Variants in FAM83C observed in about 807,000 individuals in gnomAD.
The protein encoded by FAM83C is protein FAM83C.
A neutral mutation model predicts 27.1 loss-of-function variants in FAM83C; 23 were observed. The ratio of observed to expected loss-of-function variants is 0.85; its 90% CI spans 0.61 to 1.20. FAM83C has a LOEUF of 1.20. Among genes scored for constraint, FAM83C ranks in the 50% most tolerant of loss-of-function variants. The pLI, the probability that FAM83C is intolerant of heterozygous loss-of-function variation, is 0.00. For synonymous variants in FAM83C, 426 were observed against 423.1 expected, an observed-to-expected ratio of 1.01 and a Z score of -0.09; for missense variants, 984 against 1,001.3, an observed-to-expected ratio of 0.98 and a Z score of 0.23.
At chr20:35,291,238 G>A (rs2060846063) in intron 1 of FAM83C, among the ~76,000 whole-genome samples, 2 of 152,206 alleles carry the variant, frequency 1.3e-5, no homozygotes, top group African/African-American at 4.8e-5. Flanking sequence ...GGGGCAACTA[G>A]GGACCTGAGC....
Position 35,286,666 on chromosome 20 carries a change from G to A in FAM83C, c.2113C>T (p.His705Tyr). 2 of 1,613,714 alleles carry A rather than the reference G, an allele frequency of 1.2e-6. No individual in the cohort carries two copies. Among genetic ancestry groups the A allele is most frequent in the Non-Finnish European group, 1.7e-6 (2 of 1,179,900 alleles). ...GTEPGGPKGG[H>Y]LNGGNSDLVR... ...AGGTCACTGTTACCACCATTGAGATGGCCACCCTTGGGACCCCCAGGCTCA... is the reference window on the plus strand; with the variant it reads ...AGGTCACTGTTACCACCATTGAGATAGCCACCCTTGGGACCCCCAGGCTCA... The change falls in exon 4 of 4, where the codon CAT becomes TAT. Residue 705 changes from histidine to tyrosine, a missense_variant. His to Tyr is a moderately conservative substitution (Grantham distance 83, BLOSUM62 2). Coordinates refer to ENST00000374408, the MANE Select transcript of FAM83C (RefSeq NM_178468.6).
At position 35,286,770 on chromosome 20, in the gene FAM83C, T is replaced by G. The variant is rs182154149; in HGVS notation, c.2009A>C (p.Glu670Ala). 12 of 1,614,190 alleles carry G rather than the reference T, an allele frequency of 7.4e-6. No homozygotes were observed. In the African/African-American group the frequency reaches 1.1e-4, roughly 14 times the overall value. The change falls in exon 4 of 4, where the codon GAG becomes GCG. Residue 670 changes from glutamate to alanine, a missense_variant. Transcript: ENST00000374408. Reference protein sequence around the residue: ...ARTAGAGSGDEKRLTLGHSKL... With the variant: ...ARTAGAGSGDAKRLTLGHSKL... ...GCTGTGGCCCAGGGTTAGCCGTTTCTCATCCCCAGACCCAGCTCCAGCCGT... is the reference window on the plus strand; with the variant it reads ...GCTGTGGCCCAGGGTTAGCCGTTTCGCATCCCCAGACCCAGCTCCAGCCGT...
rs984033793 is a variant in FAM83C at position 35,291,995 on chromosome 20, G to A, written c.310C>T (p.Arg104Cys). 7 of 1,613,426 alleles carry A rather than the reference G, an allele frequency of 4.3e-6. No homozygotes were observed. The highest frequency in any genetic ancestry group is 1.1e-5 in the South Asian group (1 of 91,056). The change falls in exon 1 of 4, where the codon CGC becomes TGC. Residue 104 changes from arginine (R) to cysteine (C), a missense_variant. By Grantham distance (180) the Arg-to-Cys change is radical. Transcript: ENST00000374408. ...GTGACTTCAGAGAGCAGGCTGAGGC[G>A]GTCTGGCCCGGAGGCCTCCTGCCCC... The part of the protein sequence containing the change: ...AQGQEASGPD[R>C]LSLLSEVTSG...
In FAM83C at chr20:35,292,415, G is replaced by C; in HGVS notation, c.-111C>G. The C allele has an allele frequency of 7.2e-7, 1 of 1,388,434 alleles. No individual in the cohort carries two copies. Among genetic ancestry groups the C allele is most frequent in the Non-Finnish European group, 9.4e-7 (1 of 1,062,070 alleles). 86.0% of individuals were successfully genotyped at this position (1,388,434 alleles called of 1,614,324 possible). A position where few individuals can be genotyped will look rare whatever the true frequency, so the allele number is the denominator to read the frequency against. ...ACCGCCTTCTGCCCGCCCGCTCGCT[G>C]TGTGTGTGGCAGGGCCCCCAAACTG... On this transcript the variant is annotated 5_prime_UTR_variant, in exon 1 of 4. Transcript: ENST00000374408.
chr20:35,290,627 G>A (rs191133739), intron 1 of FAM83C, among the ~76,000 whole-genome samples: 6 of 152,294 alleles, frequency 3.9e-5, no homozygotes, highest in Admixed American at 2.6e-4. Flanking sequence ...CCCAGTGCAC[G>A]AACCTGGCTC....
rs764111993 is a variant in FAM83C, at chr20:35,286,885, G to A, written c.1894C>T (p.His632Tyr). Residue 632 changes from histidine (H) to tyrosine (Y), a missense_variant, in exon 4 of 4, where the codon CAC (histidine) becomes TAC (tyrosine). Coordinates refer to ENST00000374408, the MANE Select transcript of FAM83C (RefSeq NM_178468.6). Reference sequence around the variant, plus strand: ...TTTGTGATGAGGTCCAGCTGGCTGTGCCCCAGGGTCTGCCGCCGCTCATCT... The same window carrying A: ...TTTGTGATGAGGTCCAGCTGGCTGTACCCCAGGGTCTGCCGCCGCTCATCT... ...APDERRQTLG[H>Y]SQLDLITKFG... 6.2e-7 allele frequency: 1 copy of A among 1,614,184 alleles called. No homozygotes were observed. Among genetic ancestry groups the A allele is most frequent in the South Asian group, 1.1e-5 (1 of 91,080 alleles).
rs776202944 is a variant in FAM83C at position 35,287,976 on chromosome 20, G to A, written c.807-4C>T. 6 of 1,563,002 alleles carry A rather than the reference G, an allele frequency of 3.8e-6. No homozygotes were observed. The highest frequency in any genetic ancestry group is 5.2e-6 in the Non-Finnish European group (6 of 1,152,708). ...CTGGCTGCAAAGCCAGGTGAAGCTG[G>A]GGGCAGAGGGACAGGGGGGTCAGGA... On this transcript the variant is annotated splice_polypyrimidine_tract_variant and splice_region_variant and intron_variant, in intron 3 of 3. Transcript: ENST00000374408.
In FAM83C at chr20:35,292,067, A is replaced by G; in HGVS notation, c.238T>C (p.Tyr80His). 6.2e-7 allele frequency: 1 copy of G among 1,611,324 alleles called. No homozygotes were observed. Among genetic ancestry groups the G allele is most frequent in the Non-Finnish European group, 8.5e-7 (1 of 1,179,970 alleles). The change falls in exon 1 of 4, where the codon TAC becomes CAC. Residue 80 changes from tyrosine to histidine, a missense_variant. Tyr to His is a moderately conservative substitution (Grantham distance 83). Transcript: ENST00000374408. ...LPFLSALDVD[Y>H]MTSHVRGGPE... ...CCCCCGCGCACATGGCTGGTCATGT[A>G]GTCCACATCCAGGGCGCTCAGGAAG...
At position 35,287,507 on chromosome 20, in the gene FAM83C, C is replaced by T; in HGVS notation, c.1272G>A (p.Gln424=). The stretch of plus-strand genomic sequence containing the variant: ...TATTATGGTTGAGGGCAGGGGAGGA[C>T]TGGGACCATGGGTATGCCCCTAGCT... ...LGKLGAYPWS[Q]SSPALNHNST... is the part of the protein sequence containing the mutation. The change falls in exon 4 of 4, where the codon CAG becomes CAA. Residue 424 remains glutamine, a synonymous_variant. Transcript: ENST00000374408. 1.9e-6 allele frequency: 3 copies of T among 1,614,188 alleles called. No homozygotes were observed. The highest frequency in any genetic ancestry group is 2.5e-6 in the Non-Finnish European group (3 of 1,180,018).
chr20:35,292,065 G>A lies in FAM83C; in HGVS notation c.240C>T (p.Tyr80=), dbSNP rs2060848799. 1 of 1,611,340 alleles carries A rather than the reference G, an allele frequency of 6.2e-7. No homozygotes were observed. Among genetic ancestry groups the A allele is most frequent in the African/African-American group, 1.3e-5 (1 of 74,912 alleles). ...LPFLSALDVD[Y]MTSHVRGGPE... Reference sequence around the variant, plus strand: ...GGCCCCCGCGCACATGGCTGGTCATGTAGTCCACATCCAGGGCGCTCAGGA... The same window carrying A: ...GGCCCCCGCGCACATGGCTGGTCATATAGTCCACATCCAGGGCGCTCAGGA... Residue 80 remains tyrosine (Y), a synonymous_variant, in exon 1 of 4, where the codon TAC becomes TAT. Coordinates refer to ENST00000374408, the MANE Select transcript of FAM83C (RefSeq NM_178468.6).
intron 3 of FAM83C, 23 bp from the exon 4 acceptor site, chr20:35,287,995 G>T: frequency 6.4e-7 from 1 of 1,554,092 alleles, no homozygotes; most frequent in East Asian, 2.4e-5. Context: ...GGACAGGGGG[G>T]TCAGGAGGCA....
Position 35,287,641 on chromosome 20 carries a change from A to G in FAM83C, c.1138T>C (p.Ser380Pro). 6.2e-7 allele frequency: 1 copy of G among 1,613,948 alleles called. No individual in the cohort carries two copies. The highest frequency in any genetic ancestry group is 1.3e-5 in the African/African-American group (1 of 75,022). The change falls in exon 4 of 4, where the codon TCC (serine) becomes CCC (proline). Residue 380 changes from serine (S) to proline (P), a missense_variant. Ser to Pro is a moderately conservative substitution (Grantham distance 74). Coordinates refer to ENST00000374408, the MANE Select transcript of FAM83C (RefSeq NM_178468.6). The stretch of plus-strand genomic sequence containing the variant: ...GCCTCACGGCGGGCAGGACCCAGGG[A>G]CGAGGACACCACACCCGTATCACTG... ...DCSDTGVVSS[S>P]LGPARREASG...
intron 3 of FAM83C, 34 bp downstream of exon 3, chr20:35,288,427 C>G (rs764096590): frequency 6.2e-7 from 1 of 1,611,374 alleles, no homozygotes; most frequent in Non-Finnish European, 8.5e-7. Flanking sequence ...GTGATGCAGC[C>G]CCAGGCCCCC....
chr20:35,288,414 C>T (rs762932017), intron 3 of FAM83C, 47 bp downstream of exon 3: 1 of 1,607,708 alleles, frequency 6.2e-7, no homozygotes, highest in South Asian at 1.1e-5. Context: ...GAGCTGCCAG[C>T]CAGTGATGCA....
intron 3 of FAM83C, 52 bp from the exon 4 acceptor site, chr20:35,288,024 G>T: frequency 6.8e-7 from 1 of 1,461,480 alleles, no homozygotes. Flanking sequence ...GATCCTGGGG[G>T]TCGGCAGGAG....
Position 35,287,253 on chromosome 20 carries a change from T to C in FAM83C, c.1526A>G (p.Asp509Gly). 6.2e-7 allele frequency: 1 copy of C among 1,613,058 alleles called. No individual in the cohort carries two copies. Among genetic ancestry groups the C allele is most frequent in the East Asian group, 2.2e-5 (1 of 44,850 alleles). Residue 509 changes from aspartate to glycine, a missense_variant, in exon 4 of 4, where the codon GAT (aspartate) becomes GGT (glycine). By Grantham distance (94) the Asp-to-Gly change is moderately conservative. Transcript: ENST00000374408. ...GGCTCTGGGGAAGGGGACAAGGAGA[T>C]CCAGCTGGCCACGGCTCTGACTTGG... ...ASPSQSRGQLDLLVPFPRARE... is the reference protein window; with the variant it reads ...ASPSQSRGQLGLLVPFPRARE...
intron 3 of FAM83C, 129 bp from the exon 4 acceptor site, chr20:35,288,101 A>C: frequency 2.4e-6 from 2 of 819,224 alleles, no homozygotes; most frequent in Non-Finnish European, 3.8e-6. Context: ...GAGGGCTCAC[A>C]GCGAGGGGCA....
At chr20:35,288,686 C>A in intron 2 of FAM83C, 101 bp from the exon 3 acceptor site, 3 of 1,556,202 alleles carry the variant, frequency 1.9e-6, no homozygotes, top group East Asian at 4.6e-5. Flanking sequence ...GGAACCCACC[C>A]CCCACTCCCA....
Position 35,288,964 on chromosome 20 carries a change from TG to T in FAM83C, c.514-7del. 1 of 1,611,964 alleles carries T rather than the reference TG, an allele frequency of 6.2e-7. No homozygotes were observed. ...TCCATCACCACAGCCACCACCTGGG[TG>T]GGGGGAGGCACACGAAAGCTCAGCG... On this transcript the variant is annotated splice_region_variant and splice_polypyrimidine_tract_variant and intron_variant, in intron 1 of 3. Transcript: ENST00000374408.
Sources: gnomAD v4.1 joint callset for allele counts (sites outside exome capture counted in the v4.1 genomes callset) on GRCh38, gnomAD v4.1.1 for gene constraint, MANE v1.5 for transcripts, NCBI Gene and HGNC (gene_info 2026-07-23, HGNC 2026-07-21) for gene names.